Variants in PCDHA1 observed in about 807,000 individuals in gnomAD.
PCDHA1 encodes the protein protocadherin alpha 1, also known as protocadherin alpha-1.
PCDHA1 carries 42 observed loss-of-function variants against 61.3 expected under a neutral mutation model. The observed-to-expected ratio is 0.69, with a 90% CI of 0.54 to 0.89. The LOEUF is 0.89. Among genes scored for constraint, PCDHA1 ranks in the 40% least tolerant of loss-of-function variants. The probability of loss-of-function intolerance (pLI) is 0.00; values close to 1 mark genes in which losing one functional copy is unlikely to be tolerated. For synonymous variants in PCDHA1, 610 were observed against 553.8 expected (o/e 1.10, Z -1.43); for missense variants, 1,256 against 1,235.3 (o/e 1.02, Z -0.25).
chr5:140,928,126 C>G (rs782461261), intron 1 of PCDHA1: 1 of 1,614,058 alleles, frequency 6.2e-7, no homozygotes, highest in African/African-American at 1.3e-5. Context: ...CAGTGAATAC[C>G]AAGTCCTGAT....
intron 3 of PCDHA1, among the ~76,000 whole-genome samples, chr5:141,005,407 T>C (rs2098211600): frequency 1.3e-5 from 2 of 151,168 alleles, no homozygotes; most frequent in Admixed American, 1.3e-4. Context: ...ACTTGAAGAG[T>C]GAGGAGTCAT....
At chr5:140,829,036 A>T in intron 1 of PCDHA1, 7 of 1,613,076 alleles carry the variant, frequency 4.3e-6, no homozygotes, top group Non-Finnish European at 5.9e-6. Context: ...AAGAAAACTT[A>T]TACAAAATCC....
intron 1 of PCDHA1, among the ~76,000 whole-genome samples, chr5:140,908,903 C>T (rs116633080): frequency 2.5e-3 from 374 of 152,278 alleles, no homozygotes; most frequent in African/African-American, 8.5e-3. Context: ...AAGCCTCTTT[C>T]GTGGTTGTAG....
At chr5:140,820,623 T>A (rs1166296967) in intron 1 of PCDHA1, among the ~76,000 whole-genome samples, 9 of 152,042 alleles carry the variant, frequency 5.9e-5, no homozygotes, top group Admixed American at 5.9e-4. Context: ...AATCATACCA[T>A]CCAGTAAACA....
At chr5:140,853,895 TG>T in intron 1 of PCDHA1, 1 of 971,706 alleles carries the variant, frequency 1.0e-6, no homozygotes, top group Non-Finnish European at 1.2e-6. Flanking sequence ...TAAAAAGATG[TG>T]GTGGCCTGAC....
intron 3 of PCDHA1, among the ~76,000 whole-genome samples, chr5:140,992,328 A>G (rs2097505285): frequency 6.6e-6 from 1 of 152,150 alleles, no homozygotes; most frequent in South Asian, 2.1e-4. Flanking sequence ...CTTTTCTAAG[A>G]GCAAAGATGG....
intron 1 of PCDHA1, chr5:140,822,579 A>G (rs2150117484): frequency 1.2e-6 from 2 of 1,612,484 alleles, no homozygotes; most frequent in South Asian, 2.2e-5. Context: ...CCTCAGATGC[A>G]GATGAGGGCA....
At chr5:140,790,800 T>C (rs1554118590) in intron 1 of PCDHA1, among the ~76,000 whole-genome samples, 1 of 152,220 alleles carries the variant, frequency 6.6e-6, no homozygotes. Context: ...GTTGAGTGTA[T>C]TAACCTGAAG....
rs1404352255 is a variant in PCDHA1 at position 140,843,932 on chromosome 5, T to C, written c.2394+55248T>C. 7 of 583,528 alleles carry C rather than the reference T, an allele frequency of 1.2e-5. No homozygotes were observed. In the East Asian group the frequency reaches 1.4e-4, roughly 12 times the overall value. The allele number at this position is 583,528 out of a possible 1,614,324, so 36.1% of individuals were successfully genotyped here. A position where few individuals can be genotyped will look rare whatever the true frequency, so the allele number is the denominator to read the frequency against. ...TGGGTCTATCTTGAAACTCAAGTTA[T>C]GGTTGGATGATATCCATTTTTTACT... is the stretch of plus-strand genomic sequence containing the variant. On this transcript the variant is annotated intron_variant, in intron 1 of 3. Transcript: ENST00000504120.
Position 140,842,339 on chromosome 5 carries a change from A to G in PCDHA1, c.2394+53655A>G, listed in dbSNP as rs2150334391. 9 of 1,607,816 alleles carry G rather than the reference A, an allele frequency of 5.6e-6. No individual in the cohort carries two copies. The South Asian group carries it at 9.9e-5, about 18-fold the overall frequency. Reference sequence around the variant, plus strand: ...GGGTCATTGCACCGTTTTAGTGAGAATTTTGGATAAAAATGATAACGTCCC... The same window carrying G: ...GGGTCATTGCACCGTTTTAGTGAGAGTTTTGGATAAAAATGATAACGTCCC... On this transcript the variant is annotated intron_variant, in intron 1 of 3. Coordinates refer to ENST00000504120, the MANE Select transcript of PCDHA1 (RefSeq NM_018900.4).
Position 140,903,378 on chromosome 5 carries a change from G to T in PCDHA1, c.2395-75571G>T, listed in dbSNP as rs938741904. Among the ~76,000 whole-genome samples, 3 of 152,196 alleles carry T rather than the reference G, an allele frequency of 2.0e-5. No homozygotes were observed. In the South Asian group the frequency reaches 6.2e-4, roughly 32 times the overall value. On this transcript the variant is annotated intron_variant, in intron 1 of 3. Coordinates refer to ENST00000504120, the MANE Select transcript of PCDHA1 (RefSeq NM_018900.4). Reference sequence around the variant, plus strand: ...GTTTTTCAAAAATATAGGGAGGATTGTGGTTACTTCTAGAAACAGTAGTGC... The same window carrying T: ...GTTTTTCAAAAATATAGGGAGGATTTTGGTTACTTCTAGAAACAGTAGTGC...
intron 1 of PCDHA1, chr5:140,822,014 A>G (rs2150112935): frequency 6.2e-7 from 1 of 1,614,150 alleles, no homozygotes; most frequent in Non-Finnish European, 8.5e-7. Flanking sequence ...AATCTGCAGA[A>G]TGGCATTTTG....
At position 140,836,014 on chromosome 5, in the gene PCDHA1, C is replaced by T. The variant is rs1554135544; in HGVS notation, c.2394+47330C>T. The T allele has an allele frequency of 4.3e-6, 7 of 1,613,364 alleles. No individual in the cohort carries two copies. In the Admixed American group the frequency reaches 8.3e-5, roughly 19 times the overall value. On this transcript the variant is annotated intron_variant, in intron 1 of 3. Transcript: ENST00000504120. ...AGCGCGCGCGATGCGGGCGTGCCGC[C>T]TCTGGGCAGCAACGTGACGCTGCAG...
chr5:140,979,088 A>G, intron 2 of PCDHA1, 81 bp downstream of exon 2: 1 of 1,559,594 alleles, frequency 6.4e-7, no homozygotes, highest in Non-Finnish European at 8.7e-7. Flanking sequence ...ATAGGCCAGA[A>G]GCAGCTGTCA....
At chr5:140,887,906 T>C (rs2061622663) in intron 1 of PCDHA1, among the ~76,000 whole-genome samples, 1 of 152,198 alleles carries the variant, frequency 6.6e-6, no homozygotes, top group Admixed American at 6.5e-5. Context: ...TCCTAAACAG[T>C]GTATTCTTCA....
intron 1 of PCDHA1, chr5:140,928,133 T>C (rs1208134482): frequency 1.2e-6 from 2 of 1,614,090 alleles, no homozygotes; most frequent in Non-Finnish European, 1.7e-6. Context: ...TACCAAGTCC[T>C]GATCACGGCC....
chr5:140,948,602 A>G (rs537329393), intron 1 of PCDHA1, among the ~76,000 whole-genome samples: 2 of 151,590 alleles, frequency 1.3e-5, no homozygotes, highest in Non-Finnish European at 3.0e-5. Context: ...AATTTATCAT[A>G]TTTTTGGCAC....
At chr5:140,859,755 T>C (rs1554152701) in intron 1 of PCDHA1, 1 of 153,726 alleles carries the variant, frequency 6.5e-6, no homozygotes, top group African/African-American at 2.4e-5. Flanking sequence ...TCTTTCAGTG[T>C]TAATACTCTC....
At chr5:140,976,818 G>A (rs782290955) in intron 1 of PCDHA1, among the ~76,000 whole-genome samples, 5 of 152,208 alleles carry the variant, frequency 3.3e-5, no homozygotes, top group Admixed American at 6.5e-5. Flanking sequence ...ATATGCATGT[G>A]TCTAATGAGC....
Sources: gnomAD v4.1 joint callset for allele counts (sites outside exome capture counted in the v4.1 genomes callset) on GRCh38, gnomAD v4.1.1 for gene constraint, MANE v1.5 for transcripts, NCBI Gene and HGNC (gene_info 2026-07-23, HGNC 2026-07-21) for gene names.